The following GRM7 variants were observed in gnomAD, a reference collection of about 807,000 sequenced individuals.
GRM7 encodes the protein glutamate metabotropic receptor 7.
In GRM7, 35 loss-of-function variants were observed where a neutral mutation model predicts 84.5. That is an observed-to-expected ratio of 0.41 (90% CI 0.32 to 0.55). GRM7 has a LOEUF of 0.55. Ranked by LOEUF, GRM7 falls within the 20% of genes least tolerant of loss-of-function variation. The pLI is 0.19. For synonymous variants in GRM7, 487 were observed against 455.1 expected, an observed-to-expected ratio of 1.07 and a Z score of -0.89; for missense variants, 1,003 against 1,194.6, an observed-to-expected ratio of 0.84 and a Z score of 2.36.
At position 7,248,574 on chromosome 3, in the gene GRM7, G is replaced by A. The variant is rs114059523; in HGVS notation, c.737-50110G>A. 4.9e-3 allele frequency among the ~76,000 whole-genome samples: 747 copies of A among 152,076 alleles called. 5 individuals are homozygous for A. The highest frequency in any genetic ancestry group is 0.017 in the African/African-American group (709 of 41,478). The stretch of plus-strand genomic sequence containing the variant: ...ATTGAACATTTTACTTAAAATGCGT[G>A]CATTTTATGACATGCAAATTTTTAT... On this transcript the variant is annotated intron_variant, in intron 2 of 9. Coordinates refer to ENST00000357716, the MANE Select transcript of GRM7 (RefSeq NM_000844.4).
At chr3:7,373,755 C>G (rs968189514) in intron 4 of GRM7, among the ~76,000 whole-genome samples, 5 of 148,632 alleles carry the variant, frequency 3.4e-5, no homozygotes, top group African/African-American at 1.3e-4. Flanking sequence ...GCCAGCATCT[C>G]TGGGATTTAG....
chr3:7,299,058 A>C (rs1416990994), intron 3 of GRM7, among the ~76,000 whole-genome samples: 1 of 152,190 alleles, frequency 6.6e-6, no homozygotes, highest in Non-Finnish European at 1.5e-5. Context: ...AACAGAAAAA[A>C]AACTCTAGAT....
intron 1 of GRM7, among the ~76,000 whole-genome samples, chr3:7,058,075 C>G (rs1032174276): frequency 6.6e-6 from 1 of 151,842 alleles, no homozygotes; most frequent in Admixed American, 6.6e-5. Context: ...TAAACACATG[C>G]AGAATTTTAT....
intron 7 of GRM7, among the ~76,000 whole-genome samples, chr3:7,487,407 T>C (rs1699361157): frequency 6.6e-6 from 1 of 152,082 alleles, no homozygotes; most frequent in Admixed American, 6.6e-5. Flanking sequence ...GGGATTCAGT[T>C]GTTGTGCATC....
intron 1 of GRM7, among the ~76,000 whole-genome samples, chr3:6,902,924 A>G (rs1696444242): frequency 6.6e-6 from 1 of 151,750 alleles, no homozygotes; most frequent in African/African-American, 2.4e-5. Flanking sequence ...AGAACTTTTT[A>G]TATGTTTTGG....
intron 8 of GRM7, among the ~76,000 whole-genome samples, chr3:7,634,759 A>G (rs921483769): frequency 2.0e-5 from 3 of 150,930 alleles, no homozygotes; most frequent in African/African-American, 7.3e-5. Flanking sequence ...GCGCCACTGC[A>G]CTCCAGCCTG....
intron 1 of GRM7, among the ~76,000 whole-genome samples, chr3:7,113,966 G>A (rs1274823417): frequency 6.6e-6 from 1 of 152,108 alleles, no homozygotes; most frequent in Admixed American, 6.6e-5. Context: ...GATGACACGG[G>A]ACTTCAATGA....
At chr3:7,063,169 C>G (rs1697494197) in intron 1 of GRM7, among the ~76,000 whole-genome samples, 1 of 151,702 alleles carries the variant, frequency 6.6e-6, no homozygotes, top group African/African-American at 2.4e-5. Flanking sequence ...GGGTATGGGT[C>G]TTGTGACACA....
chr3:7,670,201 A>G (rs1026904424), intron 8 of GRM7, among the ~76,000 whole-genome samples: 1 of 152,184 alleles, frequency 6.6e-6, no homozygotes, highest in Non-Finnish European at 1.5e-5. Context: ...AGGAAAACAA[A>G]GACATATACA....
chr3:7,555,206 C>T (rs955300379), intron 7 of GRM7, among the ~76,000 whole-genome samples: 5 of 152,284 alleles, frequency 3.3e-5, no homozygotes, highest in African/African-American at 1.2e-4. Context: ...GATTGGTTCA[C>T]TCTAAGTGTA....
chr3:7,582,879 G>A (rs1049324754), intron 8 of GRM7, among the ~76,000 whole-genome samples: 3 of 152,156 alleles, frequency 2.0e-5, no homozygotes, highest in African/African-American at 4.8e-5. Context: ...GGTCTGGAAT[G>A]CGGCATAGAA....
At chr3:7,285,822 T>C (rs1699412180) in intron 2 of GRM7, among the ~76,000 whole-genome samples, 1 of 152,108 alleles carries the variant, frequency 6.6e-6, no homozygotes, top group Non-Finnish European at 1.5e-5. Flanking sequence ...ATCATATTTA[T>C]TTATGATTTT....
chr3:7,387,481 G>A (rs1450248673), intron 4 of GRM7, among the ~76,000 whole-genome samples: 1 of 152,058 alleles, frequency 6.6e-6, no homozygotes, highest in Non-Finnish European at 1.5e-5. Context: ...TGAGAGATAG[G>A]GATCAAGTTT....
At chr3:7,635,343 A>T (rs988623775) in intron 8 of GRM7, among the ~76,000 whole-genome samples, 1 of 152,214 alleles carries the variant, frequency 6.6e-6, no homozygotes, top group African/African-American at 2.4e-5. Flanking sequence ...ACTAAAGAAC[A>T]CTTAGGCTGA....
intron 2 of GRM7, among the ~76,000 whole-genome samples, chr3:7,173,205 A>G (rs1347754658): frequency 2.0e-5 from 3 of 152,210 alleles, no homozygotes; most frequent in Non-Finnish European, 4.4e-5. Context: ...AGGCATGACT[A>G]AACTCCTTAA....
At chr3:7,223,270 T>C (rs1416139929) in intron 2 of GRM7, among the ~76,000 whole-genome samples, 2 of 152,160 alleles carry the variant, frequency 1.3e-5, no homozygotes, top group Non-Finnish European at 2.9e-5. Flanking sequence ...TTATACATCC[T>C]ATAATTTCAT....
intron 4 of GRM7, among the ~76,000 whole-genome samples, chr3:7,389,385 T>G (rs1337250710): frequency 1.3e-5 from 2 of 152,158 alleles, no homozygotes; most frequent in East Asian, 3.8e-4. Flanking sequence ...TTTATTAGGT[T>G]CAATTGGTCA....
chr3:7,086,604 C>A (rs552695435), intron 1 of GRM7, among the ~76,000 whole-genome samples: 36 of 152,346 alleles, frequency 2.4e-4, no homozygotes, highest in African/African-American at 8.2e-4. Context: ...GTTTGCCAGC[C>A]TCTAGAGCTC....
intron 4 of GRM7, among the ~76,000 whole-genome samples, chr3:7,322,066 TAAA>T (rs1313969829): frequency 6.6e-6 from 1 of 152,004 alleles, no homozygotes; most frequent in African/African-American, 2.4e-5. Flanking sequence ...GGGTAAAAAA[TAAA>T]AATGGAATAT....
Sources: gnomAD v4.1 joint callset for allele counts (sites outside exome capture counted in the v4.1 genomes callset) on GRCh38, gnomAD v4.1.1 for gene constraint, MANE v1.5 for transcripts, NCBI Gene and HGNC (gene_info 2026-07-23, HGNC 2026-07-21) for gene names.